Variants in FRMPD2 observed in about 807,000 individuals in gnomAD.
FRMPD2 encodes the protein FERM and PDZ domain containing 2.
Under a neutral mutation model 140.1 loss-of-function variants are expected in FRMPD2, and 96 were observed. The ratio of observed to expected loss-of-function variants is 0.69; its 90% CI spans 0.58 to 0.81. The LOEUF is 0.81. Ranked by LOEUF, FRMPD2 falls within the 40% of genes least tolerant of loss-of-function variation. The pLI, the probability that FRMPD2 is intolerant of heterozygous loss-of-function variation, is 0.00. For synonymous variants in FRMPD2, 449 were observed against 547.6 expected (o/e 0.82, Z 2.52); for missense variants, 1,240 against 1,447.4 (o/e 0.86, Z 2.32).
intron 3 of FRMPD2, among the ~76,000 whole-genome samples, chr10:48,247,319 C>G (rs149990467): frequency 1.3e-5 from 2 of 152,302 alleles, no homozygotes; most frequent in East Asian, 3.9e-4. Context: ...CAGGAGCACT[C>G]AAATCTGTGT....
chr10:48,206,345 A>C (rs1463798512), intron 14 of FRMPD2, among the ~76,000 whole-genome samples: 1 of 152,166 alleles, frequency 6.6e-6, no homozygotes, highest in African/African-American at 2.4e-5. Context: ...CACGGGAAGA[A>C]GTTTCAAAAC....
Position 48,249,081 on chromosome 10 carries a change from A to G in FRMPD2, c.249T>C (p.Pro83=), listed in dbSNP as rs1564439547. Residue 83 remains proline (P), a synonymous_variant, in exon 3 of 29, where the codon CCT becomes CCC. Transcript: ENST00000374201. ...QGRVSHIEAA[P]FKAPELLQGQ... is the part of the protein sequence containing the mutation. ...CCTGTAGCAGTTCAGGGGCCTTGAA[A>G]GGAGCAGCCTCTATATGAGAAACAC... The G allele has an allele frequency of 1.2e-6, 2 of 1,614,004 alleles. No individual in the cohort carries two copies. Among genetic ancestry groups the G allele is most frequent in the African/African-American group, 1.3e-5 (1 of 75,056 alleles).
chr10:48,274,532 C>G lies in FRMPD2; in HGVS notation c.25+11G>C, dbSNP rs772727818. 6.2e-7 allele frequency: 1 copy of G among 1,613,812 alleles called. No individual in the cohort carries two copies. The highest frequency in any genetic ancestry group is 8.5e-7 in the Non-Finnish European group (1 of 1,179,712). On this transcript the variant is annotated intron_variant, in intron 1 of 28. Coordinates refer to ENST00000374201, the MANE Select transcript of FRMPD2 (RefSeq NM_001018071.4). Reference sequence around the variant, plus strand: ...ATTTATAGGAGAAAACTGAATGATGCCAAGGAATACCTGCGTCCTTCGTTA... The same window carrying G: ...ATTTATAGGAGAAAACTGAATGATGGCAAGGAATACCTGCGTCCTTCGTTA...
chr10:48,223,200 C>T lies in FRMPD2; in HGVS notation c.1239G>A (p.Gln413=), dbSNP rs527751705. The T allele has an allele frequency of 9.3e-6, 15 of 1,614,020 alleles. No individual in the cohort carries two copies. The African/African-American group carries it at 1.7e-4, about 19-fold the overall frequency. The part of the protein sequence containing the change: ...CKIAPEGWRE[Q]PQKTSMNTFT... The stretch of plus-strand genomic sequence containing the variant: ...AGGTATTCATGGAGGTCTTCTGAGG[C>T]TGCTCTCTCCAGCCTTCAGGAGCTA... The change falls in exon 11 of 29, where the codon CAG becomes CAA. Residue 413 remains glutamine (Q), a synonymous_variant. Transcript: ENST00000374201.
At chr10:48,272,213 C>T (rs1840781310) in intron 1 of FRMPD2, among the ~76,000 whole-genome samples, 1 of 152,072 alleles carries the variant, frequency 6.6e-6, no homozygotes, top group Non-Finnish European at 1.5e-5. Flanking sequence ...TCCTTCGTGC[C>T]CCCTTCATTT....
rs1838863829 is a variant in FRMPD2 at position 48,192,835 on chromosome 10, G to T, written c.2014C>A (p.Pro672Thr). 6.2e-7 allele frequency: 1 copy of T among 1,614,142 alleles called. No individual in the cohort carries two copies. Among genetic ancestry groups the T allele is most frequent in the Non-Finnish European group, 8.5e-7 (1 of 1,180,032 alleles). Residue 672 changes from proline (P) to threonine (T), a missense_variant, in exon 16 of 29, where the codon CCT (proline) becomes ACT (threonine). By Grantham distance (38) the Pro-to-Thr change is conservative. Transcript: ENST00000374201. ...LSPAHQARSKPLIWIQRLSCS... is the reference protein window; with the variant it reads ...LSPAHQARSKTLIWIQRLSCS... Reference sequence around the variant, plus strand: ...GACAATCTCTGAATCCAAATGAGAGGCTTAGACCGGGCCTGGTGTGCAGGA... The same window carrying T: ...GACAATCTCTGAATCCAAATGAGAGTCTTAGACCGGGCCTGGTGTGCAGGA...
rs181554996 is a variant in FRMPD2 at position 48,209,266 on chromosome 10, T to C, written c.1612-2333A>G. On this transcript the variant is annotated intron_variant, in intron 13 of 28. Coordinates refer to ENST00000374201, the MANE Select transcript of FRMPD2 (RefSeq NM_001018071.4). ...GCAAGAAAAAAATCTTTTAATAATA[T>C]ATTAACAACCCACAGCTATGTGGGA... 2.2e-3 allele frequency among the ~76,000 whole-genome samples: 341 copies of C among 152,310 alleles called. 1 individual carries two copies. The highest frequency in any genetic ancestry group is 7.9e-3 in the African/African-American group (329 of 41,560).
At chr10:48,246,989 C>A (rs764912298) in intron 3 of FRMPD2, among the ~76,000 whole-genome samples, 1 of 152,190 alleles carries the variant, frequency 6.6e-6, no homozygotes, top group African/African-American at 2.4e-5. Context: ...ATGCCTAGAG[C>A]GCTAAACCAA....
chr10:48,158,183 G>T (rs1355515987), intron 28 of FRMPD2, among the ~76,000 whole-genome samples: 1 of 151,072 alleles, frequency 6.6e-6, no homozygotes, highest in Non-Finnish European at 1.5e-5. Flanking sequence ...TTCATCTGAG[G>T]TTCAACCAAA....
At chr10:48,268,990 T>C (rs1456178146) in intron 1 of FRMPD2, among the ~76,000 whole-genome samples, 1 of 152,144 alleles carries the variant, frequency 6.6e-6, no homozygotes, top group Non-Finnish European at 1.5e-5. Context: ...AACAAAAATA[T>C]GCAACAGATT....
chr10:48,271,420 A>G (rs1200079264), intron 1 of FRMPD2, among the ~76,000 whole-genome samples: 1 of 152,238 alleles, frequency 6.6e-6, no homozygotes, highest in African/African-American at 2.4e-5. Flanking sequence ...CCAGCCAGAC[A>G]CTGTTTAACC....
At chr10:48,231,178 CTT>C (rs1564433017) in intron 10 of FRMPD2, among the ~76,000 whole-genome samples, 1 of 152,204 alleles carries the variant, frequency 6.6e-6, no homozygotes, top group Non-Finnish European at 1.5e-5. Context: ...AGAGCAATAA[CTT>C]GATCAAAAGG....
upstream of FRMPD2, chr10:48,274,849 G>A (rs1293933569): frequency 1.1e-5 from 5 of 458,472 alleles, no homozygotes; most frequent in South Asian, 3.3e-5. Flanking sequence ...CCAGTGACCC[G>A]TGAGAGAGCC....
chr10:48,266,806 C>T (rs181047932), intron 1 of FRMPD2, among the ~76,000 whole-genome samples: 81 of 152,338 alleles, frequency 5.3e-4, no homozygotes, highest in African/African-American at 1.8e-3. Flanking sequence ...GGCCTCCCCA[C>T]GGGGGTGGTG....
intron 16 of FRMPD2, among the ~76,000 whole-genome samples, chr10:48,188,142 T>C (rs1026361803): frequency 1.3e-5 from 2 of 152,180 alleles, no homozygotes; most frequent in African/African-American, 4.8e-5. Flanking sequence ...CTTCCCTGGT[T>C]ACCCAGACTG....
chr10:48,274,428 ACACAGGTC>A, intron 1 of FRMPD2, 107 bp downstream of exon 1: 1 of 881,674 alleles, frequency 1.1e-6, no homozygotes, highest in Non-Finnish European at 1.9e-6. Flanking sequence ...AAGGGCACTG[ACACAGGTC>A]CTTGCCCAGC....
chr10:48,188,802 C>T (rs1838757346), intron 16 of FRMPD2, among the ~76,000 whole-genome samples: 1 of 152,192 alleles, frequency 6.6e-6, no homozygotes, highest in African/African-American at 2.4e-5. Flanking sequence ...ACACATGCAA[C>T]CCTTTACTGC....
chr10:48,218,253 G>A (rs1486631168), intron 12 of FRMPD2, among the ~76,000 whole-genome samples: 2 of 152,164 alleles, frequency 1.3e-5, no homozygotes, highest in African/African-American at 4.8e-5. Flanking sequence ...TCCAAGTACT[G>A]TTAATTAGGG....
chr10:48,244,895 A>T, intron 3 of FRMPD2, 46 bp from the exon 4 acceptor site: 4 of 1,367,202 alleles, frequency 2.9e-6, no homozygotes, highest in South Asian at 1.2e-5. Context: ...CATCTCTGTT[A>T]TTCCATGGCT....
Sources: allele counts gnomAD v4.1 joint callset (sites outside exome capture counted in the v4.1 genomes callset), GRCh38; gene constraint gnomAD v4.1.1; transcripts MANE v1.5; gene names NCBI Gene and HGNC (gene_info 2026-07-23, HGNC 2026-07-21).